Variants in TSPAN18 observed in about 807,000 individuals in gnomAD.
TSPAN18 encodes tetraspanin-18.
Under a neutral mutation model 27.3 loss-of-function variants are expected in TSPAN18, and 14 were observed. That is an observed-to-expected ratio of 0.51 (90% CI 0.34 to 0.80). TSPAN18 has a LOEUF of 0.80. Among genes scored for constraint, TSPAN18 ranks in the 30% least tolerant of loss-of-function variants. The pLI, the probability that TSPAN18 is intolerant of heterozygous loss-of-function variation, is 0.01. For missense variants in TSPAN18, 268 were observed against 323.9 expected (o/e 0.83, Z 1.32); for synonymous variants, 143 against 136.5 (o/e 1.05, Z -0.33).
chr11:44,748,301 G>A (rs1855129682), intron 1 of TSPAN18, among the ~76,000 whole-genome samples: 2 of 151,218 alleles, frequency 1.3e-5, no homozygotes, highest in South Asian at 4.2e-4. Flanking sequence ...GGGAGGCTGA[G>A]GCACAAGAAT....
At chr11:44,773,840 T>C (rs919498196) in intron 2 of TSPAN18, among the ~76,000 whole-genome samples, 2 of 152,172 alleles carry the variant, frequency 1.3e-5, no homozygotes, top group Non-Finnish European at 2.9e-5. Flanking sequence ...AGTATTTGGT[T>C]GCAGTTCGTA....
chr11:44,844,050 G>A (rs1857430518), intron 2 of TSPAN18, among the ~76,000 whole-genome samples: 1 of 152,202 alleles, frequency 6.6e-6, no homozygotes, highest in South Asian at 2.1e-4. Flanking sequence ...GAAGTGATAA[G>A]TGTCCATGAA....
At chr11:44,920,915 C>A in intron 8 of TSPAN18, among the ~76,000 whole-genome samples, 1 of 152,302 alleles carries the variant, frequency 6.6e-6, no homozygotes, top group South Asian at 2.1e-4. Flanking sequence ...ATGATTGCTG[C>A]GAAGAAATAA....
intron 1 of TSPAN18, among the ~76,000 whole-genome samples, chr11:44,750,229 C>G (rs942733105): frequency 6.4e-4 from 98 of 152,230 alleles, no homozygotes; most frequent in African/African-American, 2.3e-3. Flanking sequence ...TTCTTTTGGC[C>G]ATCGATCTTA....
At chr11:44,909,628 G>T in intron 4 of TSPAN18, 77 bp from the exon 5 acceptor site, 1 of 1,485,110 alleles carries the variant, frequency 6.7e-7, no homozygotes, top group East Asian at 2.3e-5. Flanking sequence ...GGCTGGCTCA[G>T]GGGAGTGGTG....
intron 2 of TSPAN18, among the ~76,000 whole-genome samples, chr11:44,820,527 C>T (rs544342577): frequency 1.3e-5 from 2 of 152,332 alleles, no homozygotes; most frequent in Admixed American, 6.5e-5. Context: ...GTGATTGAAT[C>T]CTGTTTTGGC....
chr11:44,748,519 A>G (rs1286737724), intron 1 of TSPAN18, among the ~76,000 whole-genome samples: 2 of 152,162 alleles, frequency 1.3e-5, no homozygotes, highest in East Asian at 3.8e-4. Flanking sequence ...GGATCTCATT[A>G]GGCAGACCGT....
At chr11:44,727,813 A>C (rs1201475389) in intron 1 of TSPAN18, among the ~76,000 whole-genome samples, 1 of 151,862 alleles carries the variant, frequency 6.6e-6, no homozygotes, top group Non-Finnish European at 1.5e-5. Flanking sequence ...CGGAGGCGCC[A>C]CTCGTTCCTC....
chr11:44,835,365 G>T (rs1428732890), intron 2 of TSPAN18, among the ~76,000 whole-genome samples: 1 of 152,236 alleles, frequency 6.6e-6, no homozygotes, highest in Non-Finnish European at 1.5e-5. Flanking sequence ...ACTGGAGTTA[G>T]TAAGTCCCTT....
At position 44,846,696 on chromosome 11, in the gene TSPAN18, T is replaced by C. The variant is rs577115341; in HGVS notation, c.-152-13632T>C. Reference sequence around the variant, plus strand: ...AAGTGGAGTTGCATTTATTATAACATAAACTGTGAACTAAGATAGGTTTCC... The same window carrying C: ...AAGTGGAGTTGCATTTATTATAACACAAACTGTGAACTAAGATAGGTTTCC... On this transcript the variant is annotated intron_variant, in intron 2 of 9. Coordinates refer to ENST00000520358, the MANE Select transcript of TSPAN18 (RefSeq NM_130783.5). Among the ~76,000 whole-genome samples the C allele has an allele frequency of 6.6e-5, 10 of 152,222 alleles. No individual in the cohort carries two copies. In the East Asian group the frequency reaches 1.9e-3, roughly 29 times the overall value.
At chr11:44,780,930 T>C (rs1295314570) in intron 2 of TSPAN18, among the ~76,000 whole-genome samples, 1 of 152,258 alleles carries the variant, frequency 6.6e-6, no homozygotes, top group African/African-American at 2.4e-5. Flanking sequence ...TTTGAATTCC[T>C]GGTGAGACTT....
rs916687870 is a variant in TSPAN18, at chr11:44,729,259, G to A, written c.-240+1972G>A. ...CATTCCAGGGGGCTGGAAAACAAAA[G>A]AAGTTTTTTTTTGTTGTGTTTTGCT... On this transcript the variant is annotated intron_variant, in intron 1 of 9. Transcript: ENST00000520358. Among the ~76,000 whole-genome samples, 5 of 152,196 alleles carry A rather than the reference G, an allele frequency of 3.3e-5. No homozygotes were observed. In the East Asian group the frequency reaches 7.7e-4, roughly 23 times the overall value.
chr11:44,777,591 A>C (rs144930151), intron 2 of TSPAN18, among the ~76,000 whole-genome samples: 2,785 of 152,244 alleles, frequency 0.018, 87 homozygotes, highest in African/African-American at 0.064. Context: ...GGGCTGGTTT[A>C]TTTATGCATT....
At chr11:44,928,116 C>G (rs144634141) in intron 9 of TSPAN18, among the ~76,000 whole-genome samples, 1 of 152,290 alleles carries the variant, frequency 6.6e-6, no homozygotes, top group African/African-American at 2.4e-5. Flanking sequence ...CAGCTACTTG[C>G]AATGAGCTCT....
At chr11:44,832,908 T>G (rs563595221) in intron 2 of TSPAN18, among the ~76,000 whole-genome samples, 64 of 152,254 alleles carry the variant, frequency 4.2e-4, no homozygotes, top group African/African-American at 1.5e-3. Context: ...TCTTTGGGAC[T>G]TTACTTGCCA....
chr11:44,861,227 G>A (rs1416857231), intron 3 of TSPAN18, among the ~76,000 whole-genome samples: 5 of 152,068 alleles, frequency 3.3e-5, no homozygotes, highest in Non-Finnish European at 5.9e-5. Context: ...TCCAATGGAA[G>A]GAGAGCTTCT....
upstream of TSPAN18, chr11:44,726,885 T>TGGGGAGGGGGAGGAGGGCG (rs1554975318): frequency 2.3e-5 from 1 of 43,742 alleles, no homozygotes; most frequent in African/African-American, 7.9e-5. Flanking sequence ...GGCGGAGGTT[T>TGGGGAGGGGGAGGAGGGCG]GGGGAGGGGG....
intron 3 of TSPAN18, among the ~76,000 whole-genome samples, chr11:44,867,645 C>T (rs532890315): frequency 2.6e-5 from 4 of 152,058 alleles, no homozygotes; most frequent in Non-Finnish European, 5.9e-5. Flanking sequence ...GTGATCCACC[C>T]TCCTCAGCCT....
rs549130952 is a variant in TSPAN18 at position 44,791,369 on chromosome 11, A to C, written c.-153+26857A>C. Among the ~76,000 whole-genome samples the C allele has an allele frequency of 3.9e-5, 6 of 152,312 alleles. No homozygotes were observed. In the South Asian group the frequency reaches 1.2e-3, roughly 32 times the overall value. ...TGCATCTATAATAACTTTATGCACA[A>C]GTTTGAACTAATTGGCTCATCTGTT... On this transcript the variant is annotated intron_variant, in intron 2 of 9. Coordinates refer to ENST00000520358, the MANE Select transcript of TSPAN18 (RefSeq NM_130783.5).
Sources: gnomAD v4.1 joint callset for allele counts (sites outside exome capture counted in the v4.1 genomes callset) on GRCh38, gnomAD v4.1.1 for gene constraint, MANE v1.5 for transcripts, NCBI Gene and HGNC (gene_info 2026-07-23, HGNC 2026-07-21) for gene names.